GNA12: variants seen among roughly 807,000 people sequenced by gnomAD.
GNA12 encodes G protein subunit alpha 12.
Under a neutral mutation model 26.0 loss-of-function variants are expected in GNA12, and 9 were observed. The ratio of observed to expected loss-of-function variants is 0.35; its 90% CI spans 0.21 to 0.60. The LOEUF is 0.60. Among genes scored for constraint, GNA12 ranks in the 20% least tolerant of loss-of-function variants. GNA12 has a pLI of 0.78. For missense variants in GNA12, 405 were observed against 525.8 expected (o/e 0.77, Z 2.25); for synonymous variants, 264 against 219.6 (o/e 1.20, Z -1.79).
At chr7:2,761,121 G>C (rs971297653) in intron 2 of GNA12, among the ~76,000 whole-genome samples, 2 of 152,294 alleles carry the variant, frequency 1.3e-5, no homozygotes, top group Non-Finnish European at 2.9e-5. Context: ...TCGGCTGTGG[G>C]GCTCCTCTTA....
At chr7:2,788,536 C>A (rs1792424838) in intron 2 of GNA12, among the ~76,000 whole-genome samples, 1 of 152,148 alleles carries the variant, frequency 6.6e-6, no homozygotes, top group Non-Finnish European at 1.5e-5. Flanking sequence ...GCCACAATTT[C>A]AAAAGTAAGT....
intron 1 of GNA12, among the ~76,000 whole-genome samples, chr7:2,806,457 CAAAAAA>C (rs34036056): frequency 2.5e-5 from 2 of 80,706 alleles, no homozygotes; most frequent in Non-Finnish European, 2.4e-5. Context: ...GACTCTGTCT[CAAAAAA>C]AAAAAAAAAA....
At chr7:2,784,799 T>C (rs1792318204) in intron 2 of GNA12, among the ~76,000 whole-genome samples, 1 of 152,234 alleles carries the variant, frequency 6.6e-6, no homozygotes, top group African/African-American at 2.4e-5. Context: ...GGTTGCAATT[T>C]TCCCCAAATT....
chr7:2,781,525 T>C (rs1251531092), intron 2 of GNA12, among the ~76,000 whole-genome samples: 1 of 151,816 alleles, frequency 6.6e-6, no homozygotes, highest in Non-Finnish European at 1.5e-5. Flanking sequence ...CTCCACTGTA[T>C]TGAAGTTCTT....
Position 2,763,014 on chromosome 7 carries a change from G to C in GNA12, c.526-29513C>G, listed in dbSNP as rs1163784662. ...TGCTACTGTGGTCGCCAACAGCCCC[G>C]CCGGCCACTGGCCCAGGACTCAGCG... On this transcript the variant is annotated intron_variant, in intron 2 of 3. Transcript: ENST00000275364. 3 of 1,276,908 alleles carry C rather than the reference G, an allele frequency of 2.3e-6. No individual in the cohort carries two copies. In the South Asian group the frequency reaches 8.6e-5, roughly 37 times the overall value. The allele number at this position is 1,276,908 out of a possible 1,614,324, so 79.1% of individuals were successfully genotyped here. A position where few individuals can be genotyped will look rare whatever the true frequency, so the allele number is the denominator to read the frequency against.
chr7:2,763,191 AACACACACACACACACACAC>A (rs56384682), intron 2 of GNA12: 9 of 222,638 alleles, frequency 4.0e-5, no homozygotes, highest in East Asian at 1.5e-4. Flanking sequence ...AAGACACCCC[AACACACACACACACACACAC>A]ACACACACAC....
intron 3 of GNA12, among the ~76,000 whole-genome samples, chr7:2,732,748 C>T (rs1789964926): frequency 6.6e-6 from 1 of 152,086 alleles, no homozygotes; most frequent in South Asian, 2.1e-4. Context: ...AGAGCAAAGT[C>T]CACATGGTAA....
chr7:2,797,475 T>C (rs953440262), intron 1 of GNA12, among the ~76,000 whole-genome samples: 2 of 151,992 alleles, frequency 1.3e-5, no homozygotes, highest in African/African-American at 4.8e-5. Flanking sequence ...AAATAACAGT[T>C]TTACTGTGCT....
At chr7:2,763,403 A>G (rs798486) in intron 2 of GNA12, 38,309 of 152,368 alleles carry the variant, frequency 0.25, 5,300 homozygotes, top group Non-Finnish European at 0.29. Context: ...GGAGCCCACA[A>G]AGGAGCTCTT....
intron 1 of GNA12, among the ~76,000 whole-genome samples, chr7:2,808,605 G>A (rs182965046): frequency 6.6e-6 from 1 of 152,274 alleles, no homozygotes; most frequent in African/African-American, 2.4e-5. Context: ...CTGAGGTCTG[G>A]CCCAGCCTGT....
At chr7:2,741,735 T>C (rs1398270731) in intron 2 of GNA12, among the ~76,000 whole-genome samples, 1 of 151,964 alleles carries the variant, frequency 6.6e-6, no homozygotes, top group Non-Finnish European at 1.5e-5. Context: ...GAGAGCAAGT[T>C]GTTTACCCCT....
intron 1 of GNA12, among the ~76,000 whole-genome samples, chr7:2,833,737 A>T (rs1233522223): frequency 7.1e-6 from 1 of 140,190 alleles, no homozygotes; most frequent in African/African-American, 2.5e-5. Context: ...ATAAAAACCA[A>T]ACTGTGCTTC....
At chr7:2,818,991 C>A (rs560861473) in intron 1 of GNA12, among the ~76,000 whole-genome samples, 1 of 152,124 alleles carries the variant, frequency 6.6e-6, no homozygotes, top group Admixed American at 6.5e-5. Flanking sequence ...GGTGAAAGGT[C>A]TTTGCAGAGG....
At position 2,776,000 on chromosome 7, in the gene GNA12, G is replaced by T. The variant is rs571284783; in HGVS notation, c.525+18928C>A. On this transcript the variant is annotated intron_variant, in intron 2 of 3. Coordinates refer to ENST00000275364, the MANE Select transcript of GNA12 (RefSeq NM_007353.3). ...TATGGGGCAGCTCCCCTGGTGGGAA[G>T]GCCCTGGACACAGCTGGCAAGTATA... 3.3e-5 allele frequency among the ~76,000 whole-genome samples: 5 copies of T among 152,386 alleles called. No homozygotes were observed. The East Asian group carries it at 9.6e-4, about 29-fold the overall frequency.
At chr7:2,798,010 C>T (rs1382685302) in intron 1 of GNA12, among the ~76,000 whole-genome samples, 1 of 152,150 alleles carries the variant, frequency 6.6e-6, no homozygotes, top group Non-Finnish European at 1.5e-5. Flanking sequence ...ATAAAGAACA[C>T]TGACAAAAAA....
chr7:2,775,407 G>C (rs990330556), intron 2 of GNA12: 2 of 152,226 alleles, frequency 1.3e-5, no homozygotes, highest in African/African-American at 4.8e-5. Flanking sequence ...GGAAGACGAA[G>C]AGTGGGAACG....
In GNA12 at chr7:2,728,555, GATCTT is replaced by G. The variant is rs1228863251; in HGVS notation, c.*2621_*2625del. ...GTACACAGTATAGCTATGAGGAACAGATCTTATTTTGAGGAACTTTATTGTTACAT... is the reference window on the plus strand; with the variant it reads ...GTACACAGTATAGCTATGAGGAACAGATTTTGAGGAACTTTATTGTTACAT... On this transcript the variant is annotated 3_prime_UTR_variant, in exon 4 of 4. Coordinates refer to ENST00000275364, the MANE Select transcript of GNA12 (RefSeq NM_007353.3). 9 of 152,482 alleles carry G rather than the reference GATCTT, an allele frequency of 5.9e-5. No individual in the cohort carries two copies. Among genetic ancestry groups the G allele is most frequent in the Admixed American group, 4.6e-4 (7 of 15,282 alleles). The allele number at this position is 152,482 out of a possible 1,614,324, so 9.4% of individuals were successfully genotyped here.
chr7:2,756,604 C>CACAA (rs1415305327), intron 2 of GNA12, among the ~76,000 whole-genome samples: 1 of 127,044 alleles, frequency 7.9e-6, no homozygotes, highest in African/African-American at 2.8e-5. Flanking sequence ...GAGACCCTGT[C>CACAA]TCAAACAAAC....
At chr7:2,814,995 C>T (rs1362669672) in intron 1 of GNA12, 1 of 1,545,448 alleles carries the variant, frequency 6.5e-7, no homozygotes, top group African/African-American at 1.4e-5. Context: ...GTCACTGTAT[C>T]CAGGTCTAAT....
Sources: allele counts gnomAD v4.1 joint callset (sites outside exome capture counted in the v4.1 genomes callset), GRCh38; gene constraint gnomAD v4.1.1; transcripts MANE v1.5; gene names NCBI Gene and HGNC (gene_info 2026-07-23, HGNC 2026-07-21).